Variants in CADPS2 observed in about 807,000 individuals in gnomAD.
The protein encoded by CADPS2 is calcium dependent secretion activator 2.
Under a neutral mutation model 172.5 loss-of-function variants are expected in CADPS2, and 93 were observed. The observed-to-expected ratio is 0.54, with a 90% CI of 0.46 to 0.64. The LOEUF (loss-of-function observed/expected upper bound fraction) is 0.64, where lower values mean the gene tolerates loss of function less well. CADPS2 is among the 30% of genes least tolerant of loss of function. The pLI, the probability that CADPS2 is intolerant of heterozygous loss-of-function variation, is 0.00. For synonymous variants in CADPS2, 546 were observed against 555.2 expected, an observed-to-expected ratio of 0.98 and a Z score of 0.23; for missense variants, 1,420 against 1,565.9, an observed-to-expected ratio of 0.91 and a Z score of 1.57.
chr7:122,521,691 A>C (rs1400708159), intron 8 of CADPS2, among the ~76,000 whole-genome samples: 1 of 152,164 alleles, frequency 6.6e-6, no homozygotes, highest in East Asian at 1.9e-4. Flanking sequence ...AGAAATTATG[A>C]CTAAAGAAAA....
intron 1 of CADPS2, among the ~76,000 whole-genome samples, chr7:122,772,550 T>C (rs1216369770): frequency 6.6e-6 from 1 of 152,156 alleles, no homozygotes. Context: ...CAGTTAAATT[T>C]GCAAAAAATC....
chr7:122,833,072 G>A (rs1807094232), intron 1 of CADPS2, among the ~76,000 whole-genome samples: 1 of 152,158 alleles, frequency 6.6e-6, no homozygotes, highest in African/African-American at 2.4e-5. Flanking sequence ...CACTATCCAT[G>A]CACAACTACT....
chr7:122,645,287 G>A (rs2078208287), intron 3 of CADPS2, among the ~76,000 whole-genome samples: 1 of 136,174 alleles, frequency 7.3e-6, no homozygotes, highest in South Asian at 2.2e-4. Flanking sequence ...ACACACATAT[G>A]TACATATATA....
At chr7:122,840,050 A>G (rs987114478) in intron 1 of CADPS2, among the ~76,000 whole-genome samples, 1 of 152,198 alleles carries the variant, frequency 6.6e-6, no homozygotes, top group Non-Finnish European at 1.5e-5. Context: ...TCAATGATAG[A>G]CTGGATTAAG....
intron 2 of CADPS2, among the ~76,000 whole-genome samples, chr7:122,668,078 G>C (rs1024027571): frequency 1.3e-5 from 2 of 152,238 alleles, no homozygotes; most frequent in African/African-American, 4.8e-5. Flanking sequence ...GCAGACACTG[G>C]GACATCAGTT....
Position 122,794,824 on chromosome 7 carries a change from A to G in CADPS2, c.340-57756T>C, listed in dbSNP as rs190990895. Among the ~76,000 whole-genome samples the G allele has an allele frequency of 1.1e-4, 16 of 152,232 alleles. No individual in the cohort carries two copies. In the East Asian group the frequency reaches 2.7e-3, roughly 26 times the overall value. On this transcript the variant is annotated intron_variant, in intron 1 of 29. Transcript: ENST00000449022. ...AATCAAGACTAAGAAATTCACTCAA[A>G]ACCATACAATTAGATGGAAATTGAA... is the stretch of plus-strand genomic sequence containing the variant.
Position 122,379,345 on chromosome 7 carries a change from A to C in CADPS2, c.3387+23T>G, listed in dbSNP as rs770292077. 6 of 1,449,318 alleles carry C rather than the reference A, an allele frequency of 4.1e-6. No homozygotes were observed. The African/African-American group carries it at 5.6e-5, about 14-fold the overall frequency. 89.8% of individuals were successfully genotyped at this position (1,449,318 alleles called of 1,614,324 possible). On this transcript the variant is annotated intron_variant, in intron 25 of 29. Coordinates refer to ENST00000449022, the MANE Select transcript of CADPS2 (RefSeq NM_017954.11). ...TGACAATTTTTCACTTTGATTTAAA[A>C]AGGTGAATAAATAATACATTACCTT...
intron 1 of CADPS2, among the ~76,000 whole-genome samples, chr7:122,821,821 C>G (rs1803386760): frequency 6.6e-6 from 1 of 152,162 alleles, no homozygotes. Context: ...TTAAAAAGGA[C>G]TGGACAATAC....
intron 3 of CADPS2, among the ~76,000 whole-genome samples, chr7:122,635,613 C>A (rs2076995709): frequency 1.3e-5 from 2 of 152,112 alleles, no homozygotes; most frequent in Non-Finnish European, 2.9e-5. Context: ...ATGAACTCAT[C>A]ATTTTTTATG....
intron 20 of CADPS2, among the ~76,000 whole-genome samples, chr7:122,396,873 C>G (rs971341906): frequency 6.6e-6 from 1 of 152,150 alleles, no homozygotes; most frequent in African/African-American, 2.4e-5. Flanking sequence ...TGTCTGTATT[C>G]TAAGTTCCAG....
At chr7:122,390,421 T>A (rs910972376) in intron 22 of CADPS2, among the ~76,000 whole-genome samples, 2 of 152,058 alleles carry the variant, frequency 1.3e-5, no homozygotes, top group Non-Finnish European at 2.9e-5. Flanking sequence ...CTGAATACAA[T>A]TGGCAAAGAA....
intron 7 of CADPS2, among the ~76,000 whole-genome samples, chr7:122,574,926 C>T (rs1277362339): frequency 6.6e-6 from 1 of 151,982 alleles, no homozygotes; most frequent in Non-Finnish European, 1.5e-5. Flanking sequence ...CTGGCAGATG[C>T]CACCTTAACC....
At chr7:122,361,705 CAGATTCCTTTCTATTTTATATT>C (rs2040174150) in intron 25 of CADPS2, among the ~76,000 whole-genome samples, 1 of 152,026 alleles carries the variant, frequency 6.6e-6, no homozygotes, top group Non-Finnish European at 1.5e-5. Flanking sequence ...CAAGCTTAAT[CAGATTCCTTTCTATTTTATATT>C]ACTTGCCATC....
intron 24 of CADPS2, among the ~76,000 whole-genome samples, chr7:122,381,165 CTGTG>C (rs1421361228): frequency 6.6e-6 from 1 of 152,124 alleles, no homozygotes; most frequent in African/African-American, 2.4e-5. Context: ...TGGCTGAAAG[CTGTG>C]CAGCTGACTG....
chr7:122,558,695 T>A (rs886152626), intron 7 of CADPS2, among the ~76,000 whole-genome samples: 1 of 152,126 alleles, frequency 6.6e-6, no homozygotes, highest in African/African-American at 2.4e-5. Flanking sequence ...AAAATACACA[T>A]TTACACACAG....
At chr7:122,326,075 CA>C (rs35635790) in intron 28 of CADPS2, among the ~76,000 whole-genome samples, 6,266 of 138,810 alleles carry the variant, frequency 0.045, 163 homozygotes, top group African/African-American at 0.088. Flanking sequence ...GTAGCGATGG[CA>C]AAAAAAAAAA....
intron 19 of CADPS2, chr7:122,409,619 C>T (rs114163074): frequency 7.5e-4 from 355 of 470,714 alleles, no homozygotes; most frequent in African/African-American, 6.9e-3. Context: ...ATGAATGCCT[C>T]TTCTCCTAAT....
chr7:122,754,710 G>A (rs1363728951), intron 1 of CADPS2, among the ~76,000 whole-genome samples: 1 of 152,136 alleles, frequency 6.6e-6, no homozygotes, highest in Non-Finnish European at 1.5e-5. Context: ...TCCTGACTCA[G>A]GGGATCTGCC....
chr7:122,657,736 A>G (rs1406630812), intron 3 of CADPS2, among the ~76,000 whole-genome samples: 3 of 152,178 alleles, frequency 2.0e-5, no homozygotes, highest in Non-Finnish European at 4.4e-5. Flanking sequence ...TTCTAAATAT[A>G]CAATCATGTC....
Sources: gnomAD v4.1 joint callset for allele counts (sites outside exome capture counted in the v4.1 genomes callset) on GRCh38, gnomAD v4.1.1 for gene constraint, MANE v1.5 for transcripts, NCBI Gene and HGNC (gene_info 2026-07-23, HGNC 2026-07-21) for gene names.